The following DOCK1 variants were observed in gnomAD, a reference collection of about 807,000 sequenced individuals.
DOCK1 encodes dedicator of cytokinesis protein 1.
A neutral mutation model predicts 262.7 loss-of-function variants in DOCK1; 138 were observed. That is an observed-to-expected ratio of 0.53 (90% CI 0.46 to 0.61). DOCK1 has a LOEUF of 0.61. Among genes scored for constraint, DOCK1 ranks in the 20% least tolerant of loss-of-function variants. The pLI, the probability that DOCK1 is intolerant of heterozygous loss-of-function variation, is 0.00. For missense variants in DOCK1, 1,908 were observed against 2,370.7 expected (o/e 0.80, Z 4.05); for synonymous variants, 866 against 867.4 (o/e 1.00, Z 0.03).
intron 48 of DOCK1, among the ~76,000 whole-genome samples, chr10:127,434,135 G>C: frequency 6.6e-6 from 1 of 151,758 alleles, no homozygotes. Context: ...TTTCATGATG[G>C]ATGGCCGGGC....
chr10:127,442,900 C>T (rs561080365), intron 49 of DOCK1, among the ~76,000 whole-genome samples: 4 of 152,370 alleles, frequency 2.6e-5, no homozygotes, highest in Admixed American at 6.5e-5. Flanking sequence ...AGGTCACCTG[C>T]GATGTGCTGT....
intron 18 of DOCK1, among the ~76,000 whole-genome samples, chr10:127,036,623 C>G (rs947063441): frequency 6.6e-6 from 1 of 151,888 alleles, no homozygotes; most frequent in African/African-American, 2.4e-5. Flanking sequence ...TCAGGTGAAA[C>G]TTGGGTAGGC....
chr10:127,014,731 G>A (rs996222244), intron 12 of DOCK1: 5 of 152,236 alleles, frequency 3.3e-5, no homozygotes, highest in African/African-American at 1.2e-4. Flanking sequence ...CCAGCTCCCT[G>A]TGAGCCACGG....
rs116872994 is a variant in DOCK1, at chr10:127,377,019, A to G, written c.3675+2805A>G. Reference sequence around the variant, plus strand: ...TGTGGTCAGCACTTGCTCAGTTTTAACTAAGAAACACACCCTGGGTTCTCA... The same window carrying G: ...TGTGGTCAGCACTTGCTCAGTTTTAGCTAAGAAACACACCCTGGGTTCTCA... On this transcript the variant is annotated intron_variant, in intron 35 of 51. Coordinates refer to ENST00000623213, the MANE Select transcript of DOCK1 (RefSeq NM_001290223.2). Among the ~76,000 whole-genome samples, 529 of 152,336 alleles carry G rather than the reference A, an allele frequency of 3.5e-3. 2 individuals are homozygous for G. Among genetic ancestry groups the G allele is most frequent in the Non-Finnish European group, 5.5e-3 (371 of 68,034 alleles).
In DOCK1 at chr10:127,000,260, A is replaced by G; in HGVS notation, c.938A>G (p.Asn313Ser). ...GGTCGCATGGAGCTGAGGGACAACA[A>G]CACCAGGAAACTGACCTCGGGGTTG... ...RVGRMELRDN[N>S]TRKLTSGLRR... Residue 313 changes from asparagine to serine, a missense_variant, in exon 10 of 52, where the codon AAC becomes AGC. Around this residue, in one of 9 missense-constraint regions of DOCK1, gnomAD observed 102 missense variants for 154.9 expected, o/e 0.66. Transcript: ENST00000623213. The G allele has an allele frequency of 6.2e-7, 1 of 1,614,016 alleles. No individual in the cohort carries two copies. The highest frequency in any genetic ancestry group is 8.5e-7 in the Non-Finnish European group (1 of 1,179,890).
chr10:127,404,530 T>C, intron 40 of DOCK1, 101 bp downstream of exon 40: 1 of 1,089,606 alleles, frequency 9.2e-7, no homozygotes, highest in Non-Finnish European at 1.4e-6. Context: ...CCGCGTGGGA[T>C]CGTGCAACTC....
intron 29 of DOCK1, among the ~76,000 whole-genome samples, chr10:127,263,096 ACAT>A (rs1457172625): frequency 6.6e-6 from 1 of 152,200 alleles, no homozygotes; most frequent in East Asian, 1.9e-4. Flanking sequence ...TGTCCATAAA[ACAT>A]AACAACTTTT....
intron 18 of DOCK1, among the ~76,000 whole-genome samples, chr10:127,036,819 CA>C (rs963837138): frequency 2.6e-4 from 39 of 150,984 alleles, no homozygotes; most frequent in African/African-American, 9.2e-4. Flanking sequence ...ACTAAAACTA[CA>C]AAAAAAATTA....
intron 23 of DOCK1, among the ~76,000 whole-genome samples, chr10:127,080,317 TAATTTCCTTTGAAA>T (rs2046827261): frequency 6.6e-6 from 1 of 152,176 alleles, no homozygotes; most frequent in South Asian, 2.1e-4. Context: ...GCTGGGTTGA[TAATTTCCTTTGAAA>T]AATTTCCTTT....
At chr10:126,913,479 A>G (rs889110364) in intron 1 of DOCK1, among the ~76,000 whole-genome samples, 74 of 152,008 alleles carry the variant, frequency 4.9e-4, no homozygotes, top group Non-Finnish European at 7.4e-4. Context: ...TCTGTCCTCC[A>G]CTCGCACCTT....
intron 32 of DOCK1, among the ~76,000 whole-genome samples, chr10:127,359,912 G>A (rs1002661275): frequency 1.3e-5 from 2 of 152,162 alleles, no homozygotes; most frequent in Non-Finnish European, 2.9e-5. Context: ...TACATTGCTG[G>A]TGTTAAAATA....
intron 12 of DOCK1, among the ~76,000 whole-genome samples, chr10:127,018,053 A>G (rs1299918355): frequency 1.3e-5 from 2 of 152,182 alleles, no homozygotes; most frequent in Non-Finnish European, 2.9e-5. Flanking sequence ...ATCTAGGTTT[A>G]GAGGCTTTGA....
At chr10:126,907,517 T>G (rs1402002233) in intron 1 of DOCK1, among the ~76,000 whole-genome samples, 1 of 152,084 alleles carries the variant, frequency 6.6e-6, no homozygotes, top group African/African-American at 2.4e-5. Flanking sequence ...GTGTGAAGTG[T>G]GGCCGCCCTG....
intron 1 of DOCK1, among the ~76,000 whole-genome samples, chr10:126,914,319 A>C (rs1013202221): frequency 2.0e-5 from 3 of 152,162 alleles, no homozygotes; most frequent in African/African-American, 7.2e-5. Flanking sequence ...GTTTAGACCT[A>C]TGATTTGTTG....
chr10:127,117,120 A>G lies in DOCK1; in HGVS notation c.2623+6766A>G, dbSNP rs577610181. Among the ~76,000 whole-genome samples, 7 of 152,272 alleles carry G rather than the reference A, an allele frequency of 4.6e-5. No individual in the cohort carries two copies. In the South Asian group the frequency reaches 1.0e-3, roughly 23 times the overall value. On this transcript the variant is annotated intron_variant, in intron 25 of 51. Coordinates refer to ENST00000623213, the MANE Select transcript of DOCK1 (RefSeq NM_001290223.2). ...TATTGAATGTAGGAGGGTGAACTCA[A>G]TTTCAGGTTTTTAATTGTTTCTGTT...
intron 27 of DOCK1, among the ~76,000 whole-genome samples, chr10:127,192,972 T>C (rs1392787520): frequency 6.6e-6 from 1 of 152,214 alleles, no homozygotes; most frequent in African/African-American, 2.4e-5. Context: ...GCTCCAGTAT[T>C]GGAATAAAGA....
At chr10:126,912,333 G>A (rs944391774) in intron 1 of DOCK1, among the ~76,000 whole-genome samples, 2 of 151,984 alleles carry the variant, frequency 1.3e-5, no homozygotes, top group Non-Finnish European at 1.5e-5. Flanking sequence ...GGGAGGCTGA[G>A]GCAGGAGAAT....
intron 38 of DOCK1, 148 bp downstream of exon 38, chr10:127,385,057 G>A: frequency 9.4e-7 from 1 of 1,062,330 alleles, no homozygotes; most frequent in Non-Finnish European, 1.2e-6. Context: ...TGTTCCTTCA[G>A]CTTGCACTTA....
intron 23 of DOCK1, among the ~76,000 whole-genome samples, chr10:127,095,884 T>C (rs1181774511): frequency 6.6e-6 from 1 of 152,092 alleles, no homozygotes; most frequent in African/African-American, 2.4e-5. Context: ...GTTTGTACTT[T>C]TTTCAGTTTG....
Sources: gnomAD v4.1 joint callset for allele counts (sites outside exome capture counted in the v4.1 genomes callset) on GRCh38, gnomAD v4.1.1 for gene constraint, gnomAD v4.1.1 regional missense constraint, MANE v1.5 for transcripts, NCBI Gene and HGNC (gene_info 2026-07-23, HGNC 2026-07-21) for gene names.